Variants in DCAF17 observed in about 807,000 individuals in gnomAD.
The protein encoded by DCAF17 is DDB1- and CUL4-associated factor 17.
A neutral mutation model predicts 66.0 loss-of-function variants in DCAF17; 48 were observed. The observed-to-expected ratio is 0.73, with a 90% CI of 0.58 to 0.92. The LOEUF is 0.92. Ranked by LOEUF, DCAF17 falls within the 40% of genes least tolerant of loss-of-function variation. The probability of loss-of-function intolerance (pLI) is 0.00; values close to 1 mark genes in which losing one functional copy is unlikely to be tolerated. For synonymous variants in DCAF17, 206 were observed against 214.6 expected, an observed-to-expected ratio of 0.96 and a Z score of 0.35; for missense variants, 562 against 622.8, an observed-to-expected ratio of 0.90 and a Z score of 1.04.
intron 12 of DCAF17, 54 bp from the exon 13 acceptor site, chr2:171,479,984 C>T: frequency 6.3e-7 from 1 of 1,590,026 alleles, no homozygotes; most frequent in African/African-American, 1.3e-5. Flanking sequence ...AATAAGCCTA[C>T]CTGAATAACT....
chr2:171,481,723 GT>G lies in DCAF17; in HGVS notation c.*613del. ...TTCCCAAATTATCTTTTCTTCCTTGGTTTTGTTCTCTTGGCTTGATGTTCAC... is the reference window on the plus strand; with the variant it reads ...TTCCCAAATTATCTTTTCTTCCTTGGTTTGTTCTCTTGGCTTGATGTTCAC... On this transcript the variant is annotated 3_prime_UTR_variant, in exon 14 of 14. Coordinates refer to ENST00000375255, the MANE Select transcript of DCAF17 (RefSeq NM_025000.4). 2.2e-6 allele frequency: 1 copy of G among 453,714 alleles called. No individual in the cohort carries two copies. The highest frequency in any genetic ancestry group is 1.6e-5 in the South Asian group (1 of 64,396). The allele number at this position is 453,714 out of a possible 1,614,324, so 28.1% of individuals were successfully genotyped here.
chr2:171,474,110 C>A, intron 10 of DCAF17, 135 bp downstream of exon 10: 1 of 724,798 alleles, frequency 1.4e-6, no homozygotes, highest in Non-Finnish European at 2.5e-6. Flanking sequence ...TCCTCAGAGA[C>A]TGGCATACAG....
chr2:171,446,388 A>C (rs896745668), intron 3 of DCAF17, among the ~76,000 whole-genome samples: 1 of 152,118 alleles, frequency 6.6e-6, no homozygotes, highest in Non-Finnish European at 1.5e-5. Context: ...TCTACTAAAA[A>C]TACAAAAATT....
chr2:171,443,262 G>T (rs1336239536), intron 2 of DCAF17: 4 of 319,446 alleles, frequency 1.3e-5, no homozygotes, highest in Non-Finnish European at 2.3e-5. Flanking sequence ...GTACGTATAT[G>T]TATATAAACC....
intron 12 of DCAF17, 29 bp downstream of exon 12, chr2:171,478,099 A>G (rs760860274): frequency 5.2e-6 from 8 of 1,552,798 alleles, no homozygotes; most frequent in Non-Finnish European, 6.2e-6. Context: ...ATGACAAACC[A>G]AACCAGTGTG....
chr2:171,439,284 AT>A (rs1301885052), intron 2 of DCAF17, among the ~76,000 whole-genome samples: 3 of 151,426 alleles, frequency 2.0e-5, no homozygotes, highest in African/African-American at 7.3e-5. Context: ...TGGTATTCCC[AT>A]TATGTGGATG....
chr2:171,478,146 T>G, intron 12 of DCAF17, 76 bp downstream of exon 12: 1 of 1,299,650 alleles, frequency 7.7e-7, no homozygotes, highest in Non-Finnish European at 1.1e-6. Flanking sequence ...TACTTCCCCA[T>G]ATCCTGGGGT....
chr2:171,484,608 G>A lies in DCAF17; in HGVS notation c.*3494G>A, dbSNP rs1696876792. ...AATTTTTTTGATTTAAGATTTACCT[G>A]CAATAAAATGTACAAATCTTAAGTA... On this transcript the variant is annotated 3_prime_UTR_variant, in exon 14 of 14. Coordinates refer to ENST00000375255, the MANE Select transcript of DCAF17 (RefSeq NM_025000.4). 2.2e-6 allele frequency: 1 copy of A among 452,176 alleles called. No homozygotes were observed. The highest frequency in any genetic ancestry group is 2.0e-5 in the African/African-American group (1 of 49,816). The allele number at this position is 452,176 out of a possible 1,614,324, so 28.0% of individuals were successfully genotyped here.
At chr2:171,479,899 CTAT>C (rs1696663656) in intron 12 of DCAF17, 136 bp from the exon 13 acceptor site, 1 of 920,762 alleles carries the variant, frequency 1.1e-6, no homozygotes, top group Admixed American at 2.4e-5. Flanking sequence ...ACATTTCTAC[CTAT>C]TATTCTTCCC....
At chr2:171,469,838 C>T (rs1296656742) in intron 9 of DCAF17, among the ~76,000 whole-genome samples, 3 of 152,198 alleles carry the variant, frequency 2.0e-5, no homozygotes, top group Admixed American at 2.0e-4. Context: ...CAGGATCTCA[C>T]TGTGTCATCC....
At chr2:171,443,034 A>G (rs1325293991) in intron 2 of DCAF17, 1 of 142,382 alleles carries the variant, frequency 7.0e-6, no homozygotes, top group African/African-American at 2.6e-5. Flanking sequence ...ATTTGGGAGT[A>G]AAAAAAAAAA....
At chr2:171,468,844 C>G (rs1696072923) in intron 8 of DCAF17, 44 bp from the exon 9 acceptor site, 1 of 1,613,606 alleles carries the variant, frequency 6.2e-7, no homozygotes, top group African/African-American at 1.3e-5. Flanking sequence ...GTCCAGAGCC[C>G]CCAGAACAGT....
chr2:171,441,732 A>G (rs1694317161), intron 2 of DCAF17, among the ~76,000 whole-genome samples: 1 of 152,218 alleles, frequency 6.6e-6, no homozygotes, highest in Non-Finnish European at 1.5e-5. Flanking sequence ...TGGTTCAGAC[A>G]CCACAGACTC....
chr2:171,466,263 G>T (rs1695892918), intron 8 of DCAF17, among the ~76,000 whole-genome samples: 1 of 152,180 alleles, frequency 6.6e-6, no homozygotes. Flanking sequence ...TATTACAGGT[G>T]TAGCCCTTCT....
At chr2:171,478,592 A>T (rs1696606497) in intron 12 of DCAF17, among the ~76,000 whole-genome samples, 1 of 152,214 alleles carries the variant, frequency 6.6e-6, no homozygotes, top group East Asian at 1.9e-4. Flanking sequence ...TTAAAAAGGC[A>T]TTGGAAGTAT....
In DCAF17 at chr2:171,448,629, A is replaced by T. The variant is rs1050819292; in HGVS notation, c.322-52A>T. On this transcript the variant is annotated intron_variant, in intron 3 of 13. Coordinates refer to ENST00000375255, the MANE Select transcript of DCAF17 (RefSeq NM_025000.4). ...TTTTCTTTGGACATTGATTACTGCA[A>T]ATTGTTCATGGCCAAGCAGTTTCAT... The T allele has an allele frequency of 1.8e-5, 27 of 1,474,528 alleles. No homozygotes were observed. In the African/African-American group the frequency reaches 2.7e-4, roughly 15 times the overall value. The allele number at this position is 1,474,528 out of a possible 1,614,324, so 91.3% of individuals were successfully genotyped here. A position where few individuals can be genotyped will look rare whatever the true frequency, so the allele number is the denominator to read the frequency against.
Position 171,482,068 on chromosome 2 carries a change from G to A in DCAF17, c.*954G>A, listed in dbSNP as rs1696767288. 2.2e-6 allele frequency: 1 copy of A among 453,434 alleles called. No homozygotes were observed. The highest frequency in any genetic ancestry group is 2.0e-5 in the African/African-American group (1 of 49,938). 28.1% of individuals were successfully genotyped at this position (453,434 alleles called of 1,614,324 possible). A position where few individuals can be genotyped will look rare whatever the true frequency, so the allele number is the denominator to read the frequency against. On this transcript the variant is annotated 3_prime_UTR_variant, in exon 14 of 14. Transcript: ENST00000375255. Reference sequence around the variant, plus strand: ...AATTTTTGGCTTACTTATGGAACAAGCATTATTTCTTCTTTGTTAGGAAAG... The same window carrying A: ...AATTTTTGGCTTACTTATGGAACAAACATTATTTCTTCTTTGTTAGGAAAG...
chr2:171,438,303 G>T (rs55974181), intron 2 of DCAF17, among the ~76,000 whole-genome samples: 1 of 152,172 alleles, frequency 6.6e-6, no homozygotes, highest in African/African-American at 2.4e-5. Flanking sequence ...TGAACGTTTC[G>T]TGTAAGCTTG....
At chr2:171,445,905 A>G (rs1237658416) in intron 3 of DCAF17, among the ~76,000 whole-genome samples, 1 of 150,606 alleles carries the variant, frequency 6.6e-6, no homozygotes, top group Non-Finnish European at 1.5e-5. Flanking sequence ...CTAGTCTTGA[A>G]CTCCTGGGCT....
Sources: gnomAD v4.1 joint callset for allele counts (sites outside exome capture counted in the v4.1 genomes callset) on GRCh38, gnomAD v4.1.1 for gene constraint, MANE v1.5 for transcripts, NCBI Gene and HGNC (gene_info 2026-07-23, HGNC 2026-07-21) for gene names.